CPA6: variants seen among roughly 807,000 people sequenced by gnomAD.
CPA6 encodes the protein carboxypeptidase A6.
In CPA6, 58 loss-of-function variants were observed where a neutral mutation model predicts 63.3. The ratio of observed to expected loss-of-function variants is 0.92; its 90% CI spans 0.74 to 1.14. The LOEUF (loss-of-function observed/expected upper bound fraction) is 1.14, where lower values mean the gene tolerates loss of function less well. Ranked by LOEUF, CPA6 falls within the 50% of genes most tolerant of loss-of-function variation. The pLI is 0.00. For missense variants in CPA6, 565 were observed against 526.6 expected (o/e 1.07, Z -0.71); for synonymous variants, 185 against 179.0 (o/e 1.03, Z -0.27).
chr8:67,539,088 A>T (rs1374567053), intron 2 of CPA6, among the ~76,000 whole-genome samples: 1 of 152,150 alleles, frequency 6.6e-6, no homozygotes, highest in Non-Finnish European at 1.5e-5. Flanking sequence ...GTTTCTTCAT[A>T]ATGTTGATGG....
intron 6 of CPA6, among the ~76,000 whole-genome samples, chr8:67,503,468 ATTTTTTTT>A (rs869172205): frequency 1.6e-5 from 2 of 126,030 alleles, no homozygotes; most frequent in African/African-American, 3.2e-5. Context: ...AGCTAATTAA[ATTTTTTTT>A]TTTTTTTTTT....
At chr8:67,429,441 A>G (rs1809969748) in intron 9 of CPA6, among the ~76,000 whole-genome samples, 1 of 152,180 alleles carries the variant, frequency 6.6e-6, no homozygotes, top group African/African-American at 2.4e-5. Context: ...ACTCCGGACA[A>G]CGTGGTGGTG....
chr8:67,547,341 C>T (rs929030782), intron 2 of CPA6, among the ~76,000 whole-genome samples: 1 of 152,070 alleles, frequency 6.6e-6, no homozygotes, highest in Non-Finnish European at 1.5e-5. Flanking sequence ...CCACTGTGCC[C>T]GGCCGAAGGC....
At chr8:67,547,879 T>G (rs1440069763) in intron 2 of CPA6, among the ~76,000 whole-genome samples, 2 of 152,318 alleles carry the variant, frequency 1.3e-5, no homozygotes, top group East Asian at 3.9e-4. Context: ...TGATCATATG[T>G]TACTTTGCAA....
chr8:67,609,644 A>T (rs1213790423), intron 2 of CPA6, among the ~76,000 whole-genome samples: 2 of 152,230 alleles, frequency 1.3e-5, no homozygotes, highest in Non-Finnish European at 2.9e-5. Context: ...TTTATAATCT[A>T]TCAATTGTTC....
chr8:67,593,500 T>A (rs1008311414), intron 2 of CPA6, among the ~76,000 whole-genome samples: 5 of 152,138 alleles, frequency 3.3e-5, no homozygotes, highest in Admixed American at 2.0e-4. Flanking sequence ...AAGTCTCCCA[T>A]TATTATTGTG....
At position 67,662,438 on chromosome 8, in the gene CPA6, A is replaced by G. The variant is rs1227343956; in HGVS notation, c.117-38187T>C. The stretch of plus-strand genomic sequence containing the variant: ...ATATGTATATATAGAATACATACAC[A>G]CGTATATGTATATATAGAATACATA... On this transcript the variant is annotated intron_variant, in intron 1 of 10. Coordinates refer to ENST00000297770, the MANE Select transcript of CPA6 (RefSeq NM_020361.5). 2.3e-4 allele frequency among the ~76,000 whole-genome samples: 34 copies of G among 149,882 alleles called. 1 individual carries two copies. Among genetic ancestry groups the G allele is most frequent in the Admixed American group, 2.3e-3 (34 of 15,048 alleles).
At chr8:67,654,621 G>T (rs1190810444) in intron 1 of CPA6, among the ~76,000 whole-genome samples, 2 of 152,088 alleles carry the variant, frequency 1.3e-5, no homozygotes, top group East Asian at 3.9e-4. Context: ...GTGTCTGTTT[G>T]ATTCTTCTCT....
intron 1 of CPA6, among the ~76,000 whole-genome samples, chr8:67,654,049 G>A (rs1451815329): frequency 6.6e-6 from 1 of 152,054 alleles, no homozygotes; most frequent in Non-Finnish European, 1.5e-5. Flanking sequence ...TACATTTACT[G>A]ATTTGCATAT....
chr8:67,503,468 ATTTTTTTTT>A lies in CPA6; in HGVS notation c.636+3310_636+3318del, dbSNP rs869172205. On this transcript the variant is annotated intron_variant, in intron 6 of 10. Transcript: ENST00000297770. ...TGCACCACTATGCCCAGCTAATTAA[ATTTTTTTTT>A]TTTTTTTTTTTGTAGAGACAGGGTC... Among the ~76,000 whole-genome samples, 20 of 126,022 alleles carry A rather than the reference ATTTTTTTTT, an allele frequency of 1.6e-4. 2 individuals are homozygous for A. The highest frequency in any genetic ancestry group is 1.5e-3 in the Admixed American group (19 of 12,614). 82.7% of individuals were successfully genotyped at this position (126,022 alleles called of 152,430 possible). A position where few individuals can be genotyped will look rare whatever the true frequency, so the allele number is the denominator to read the frequency against.
At chr8:67,706,371 A>G (rs1817135577) in intron 1 of CPA6, among the ~76,000 whole-genome samples, 1 of 152,216 alleles carries the variant, frequency 6.6e-6, no homozygotes, top group Non-Finnish European at 1.5e-5. Context: ...GTTTTTCACC[A>G]AAAGTAAAAG....
chr8:67,538,033 C>T (rs571439136), intron 2 of CPA6, among the ~76,000 whole-genome samples: 53 of 152,250 alleles, frequency 3.5e-4, no homozygotes, highest in African/African-American at 1.2e-3. Context: ...AATTTGATTG[C>T]ACTGTGGTCT....
At chr8:67,577,677 C>A (rs562622600) in intron 2 of CPA6, among the ~76,000 whole-genome samples, 17 of 152,264 alleles carry the variant, frequency 1.1e-4, no homozygotes, top group South Asian at 6.2e-4. Flanking sequence ...TTAACTTTAA[C>A]CTGCTGCCTA....
At chr8:67,454,027 T>G (rs1810616286) in intron 8 of CPA6, among the ~76,000 whole-genome samples, 1 of 152,238 alleles carries the variant, frequency 6.6e-6, no homozygotes, top group South Asian at 2.1e-4. Context: ...TGTTATTTAC[T>G]GCAGATTAAG....
intron 1 of CPA6, among the ~76,000 whole-genome samples, chr8:67,643,970 C>A (rs1815653876): frequency 6.6e-6 from 1 of 152,094 alleles, no homozygotes; most frequent in African/African-American, 2.4e-5. Flanking sequence ...AGAATTAACA[C>A]TTATCCTGAG....
At chr8:67,560,075 G>T (rs529214475) in intron 2 of CPA6, among the ~76,000 whole-genome samples, 155 of 151,162 alleles carry the variant, frequency 1.0e-3, no homozygotes, top group Non-Finnish European at 1.8e-3. Context: ...AATGTTTATT[G>T]TTTACATCAC....
At chr8:67,587,438 A>C (rs1271064396) in intron 2 of CPA6, among the ~76,000 whole-genome samples, 2 of 152,190 alleles carry the variant, frequency 1.3e-5, no homozygotes, top group Admixed American at 6.5e-5. Context: ...GCAAAATAGA[A>C]TATCTCTGAG....
At chr8:67,562,682 TAA>T in intron 2 of CPA6, among the ~76,000 whole-genome samples, 1 of 152,248 alleles carries the variant, frequency 6.6e-6, no homozygotes, top group East Asian at 1.9e-4. Flanking sequence ...AGTGCTCTTG[TAA>T]AAGAGGCCCC....
chr8:67,521,062 C>T (rs1165983285), intron 2 of CPA6, among the ~76,000 whole-genome samples: 1 of 152,226 alleles, frequency 6.6e-6, no homozygotes, highest in Non-Finnish European at 1.5e-5. Flanking sequence ...AACTGCAAAG[C>T]TCTGTGATTC....
Sources: allele counts gnomAD v4.1 joint callset (sites outside exome capture counted in the v4.1 genomes callset), GRCh38; gene constraint gnomAD v4.1.1; transcripts MANE v1.5; gene names NCBI Gene and HGNC (gene_info 2026-07-23, HGNC 2026-07-21).